Variants in ARL15 observed in about 807,000 individuals in gnomAD.
ARL15 encodes ADP-ribosylation factor-like protein 15.
A neutral mutation model predicts 25.2 loss-of-function variants in ARL15; 19 were observed. That is an observed-to-expected ratio of 0.75 (90% CI 0.53 to 1.10). The LOEUF (loss-of-function observed/expected upper bound fraction) is 1.10, where lower values mean the gene tolerates loss of function less well. Ranked by LOEUF, ARL15 falls within the 50% of genes least tolerant of loss-of-function variation. The pLI, the probability that ARL15 is intolerant of heterozygous loss-of-function variation, is 0.00. For synonymous variants in ARL15, 94 were observed against 86.8 expected (o/e 1.08, Z -0.46); for missense variants, 220 against 246.0 (o/e 0.89, Z 0.71).
intron 1 of ARL15, among the ~76,000 whole-genome samples, chr5:54,206,141 A>G (rs1755862222): frequency 1.3e-5 from 2 of 152,346 alleles, no homozygotes; most frequent in South Asian, 4.1e-4. Context: ...ATGTCTGTTT[A>G]ATGCTAGTAG....
In ARL15 at chr5:53,884,179, A is replaced by C. The variant is rs1455514456; in HGVS notation, c.*2382T>G. On this transcript the variant is annotated 3_prime_UTR_variant, in exon 5 of 5. Transcript: ENST00000504924. ...AAATTAATTGCCATTACAAAAAGGC[A>C]ACTGCTTTAGCTAAGAAGGTACAAA... The C allele has an allele frequency of 6.6e-6, 1 of 152,246 alleles. No homozygotes were observed. Among genetic ancestry groups the C allele is most frequent in the Non-Finnish European group, 1.5e-5 (1 of 68,050 alleles). The allele number at this position is 152,246 out of a possible 1,614,324, so 9.4% of individuals were successfully genotyped here.
chr5:54,154,495 C>A (rs1182261054), intron 3 of ARL15, 85 bp downstream of exon 3: 1 of 819,086 alleles, frequency 1.2e-6, no homozygotes, highest in Non-Finnish European at 1.9e-6. Context: ...AATAAGTTAT[C>A]ATTATGTTTG....
At position 53,941,997 on chromosome 5, in the gene ARL15, G is replaced by A. The variant is rs571391683; in HGVS notation, c.463-55284C>T. On this transcript the variant is annotated intron_variant, in intron 4 of 4. Coordinates refer to ENST00000504924, the MANE Select transcript of ARL15 (RefSeq NM_019087.3). ...TGATTTATCTATTTAAAAAATCCATGTAAAGAGTATGGGGCGGGCAGGGGC... is the reference window on the plus strand; with the variant it reads ...TGATTTATCTATTTAAAAAATCCATATAAAGAGTATGGGGCGGGCAGGGGC... Among the ~76,000 whole-genome samples the A allele has an allele frequency of 5.3e-5, 8 of 152,302 alleles. No homozygotes were observed. In the South Asian group the frequency reaches 1.0e-3, roughly 20 times the overall value.
chr5:54,051,687 C>T (rs1355739909), intron 4 of ARL15, among the ~76,000 whole-genome samples: 1 of 152,150 alleles, frequency 6.6e-6, no homozygotes, highest in Non-Finnish European at 1.5e-5. Context: ...GGGTGCAAAG[C>T]AAATGGAATT....
At chr5:54,094,424 A>C (rs1752221703) in intron 4 of ARL15, among the ~76,000 whole-genome samples, 1 of 151,262 alleles carries the variant, frequency 6.6e-6, no homozygotes, top group African/African-American at 2.4e-5. Flanking sequence ...ATAACATAGC[A>C]CAAAAAAAAA....
chr5:54,056,081 GCAA>G (rs1245212676), intron 4 of ARL15, among the ~76,000 whole-genome samples: 1 of 152,088 alleles, frequency 6.6e-6, no homozygotes, highest in Non-Finnish European at 1.5e-5. Flanking sequence ...GAAAGTGTGT[GCAA>G]CAATGCAGGG....
chr5:53,914,291 G>A (rs1015968569), intron 4 of ARL15, among the ~76,000 whole-genome samples: 3 of 151,792 alleles, frequency 2.0e-5, no homozygotes, highest in African/African-American at 7.3e-5. Flanking sequence ...CGTGTAGAAA[G>A]CCTTAAGGAA....
chr5:54,199,050 G>C (rs553085430), intron 1 of ARL15, among the ~76,000 whole-genome samples: 1 of 151,660 alleles, frequency 6.6e-6, no homozygotes, highest in African/African-American at 2.4e-5. Context: ...ATGGGGAAAG[G>C]ATTCCCTATT....
At chr5:54,021,445 T>C (rs1749597122) in intron 4 of ARL15, among the ~76,000 whole-genome samples, 1 of 152,246 alleles carries the variant, frequency 6.6e-6, no homozygotes, top group East Asian at 1.9e-4. Flanking sequence ...GGATCAAATA[T>C]AAACTTTAGA....
chr5:54,164,240 T>A (rs1469481400), intron 2 of ARL15, among the ~76,000 whole-genome samples: 1 of 152,056 alleles, frequency 6.6e-6, no homozygotes, highest in Non-Finnish European at 1.5e-5. Context: ...ATATTGGATA[T>A]AACTTGAAGC....
chr5:54,037,450 ATCAT>A (rs1238687143), intron 4 of ARL15, among the ~76,000 whole-genome samples: 1 of 152,124 alleles, frequency 6.6e-6, no homozygotes, highest in Non-Finnish European at 1.5e-5. Flanking sequence ...TAAGAAAGTA[ATCAT>A]TTATTTTTTA....
At position 54,049,877 on chromosome 5, in the gene ARL15, T is replaced by G. The variant is rs115397605; in HGVS notation, c.462+63325A>C. On this transcript the variant is annotated intron_variant, in intron 4 of 4. Coordinates refer to ENST00000504924, the MANE Select transcript of ARL15 (RefSeq NM_019087.3). Reference sequence around the variant, plus strand: ...ATGAGCCACGACTCCCAGCCTGAAATATAGATTTTAATCTTCAGCTTGCAT... The same window carrying G: ...ATGAGCCACGACTCCCAGCCTGAAAGATAGATTTTAATCTTCAGCTTGCAT... 5.3e-3 allele frequency among the ~76,000 whole-genome samples: 809 copies of G among 152,164 alleles called. 2 individuals are homozygous for G. Among genetic ancestry groups the G allele is most frequent in the Admixed American group, 0.012 (185 of 15,286 alleles).
chr5:54,067,209 C>A (rs1418396849), intron 4 of ARL15: 1 of 152,588 alleles, frequency 6.6e-6, no homozygotes, highest in Non-Finnish European at 1.5e-5. Flanking sequence ...CTGAGATTGA[C>A]AATATATGCT....
chr5:54,122,372 T>C (rs1232981728), intron 3 of ARL15, among the ~76,000 whole-genome samples: 3 of 152,246 alleles, frequency 2.0e-5, no homozygotes, highest in Admixed American at 2.0e-4. Context: ...GTGACACCCT[T>C]ATGAAAACCA....
chr5:53,958,941 G>C (rs1294560595), intron 4 of ARL15, among the ~76,000 whole-genome samples: 3 of 152,048 alleles, frequency 2.0e-5, no homozygotes, highest in Non-Finnish European at 2.9e-5. Flanking sequence ...GGAAGAAATA[G>C]AAAATTCGAC....
intron 4 of ARL15, among the ~76,000 whole-genome samples, chr5:53,954,203 T>C (rs1186855684): frequency 2.0e-5 from 3 of 152,118 alleles, no homozygotes; most frequent in African/African-American, 7.2e-5. Flanking sequence ...TCCTTTAGTC[T>C]GGATAAAACA....
chr5:53,930,484 C>T (rs1271724196), intron 4 of ARL15, among the ~76,000 whole-genome samples: 1 of 152,148 alleles, frequency 6.6e-6, no homozygotes, highest in Non-Finnish European at 1.5e-5. Context: ...TTTCAATAAG[C>T]CTGATAAATA....
intron 1 of ARL15, among the ~76,000 whole-genome samples, chr5:54,251,088 A>C (rs1757224721): frequency 6.6e-6 from 1 of 152,162 alleles, no homozygotes; most frequent in Admixed American, 6.5e-5. Flanking sequence ...AGGAAACACA[A>C]CACTGCTAAT....
At chr5:54,297,440 G>C (rs1422262257) in intron 1 of ARL15, among the ~76,000 whole-genome samples, 4 of 152,196 alleles carry the variant, frequency 2.6e-5, no homozygotes, top group Admixed American at 6.5e-5. Flanking sequence ...TTTTGTTGTG[G>C]GCAGCCTGCT....
Sources: gnomAD v4.1 joint callset for allele counts (sites outside exome capture counted in the v4.1 genomes callset) on GRCh38, gnomAD v4.1.1 for gene constraint, MANE v1.5 for transcripts, NCBI Gene and HGNC (gene_info 2026-07-23, HGNC 2026-07-21) for gene names.